The following CHD9 variants were observed in gnomAD, a reference collection of about 807,000 sequenced individuals.
CHD9 encodes the protein ATP-dependent chromatin remodeler CHD9.
Under a neutral mutation model 316.1 loss-of-function variants are expected in CHD9, and 77 were observed. That is an observed-to-expected ratio of 0.24 (90% CI 0.20 to 0.29). The LOEUF is 0.29. Ranked by LOEUF, CHD9 falls within the 10% of genes least tolerant of loss-of-function variation. The pLI is 1.00. For missense variants in CHD9, 2,763 were observed against 3,438.1 expected (o/e 0.80, Z 4.91); for synonymous variants, 1,129 against 1,158.3 (o/e 0.97, Z 0.51).
intron 12 of CHD9, among the ~76,000 whole-genome samples, chr16:53,241,036 G>C (rs1255014860): frequency 6.6e-6 from 1 of 152,126 alleles, no homozygotes; most frequent in African/African-American, 2.4e-5. Context: ...ATAAATGCCA[G>C]AGATTTATAA....
chr16:53,078,529 T>G (rs2034746640), intron 1 of CHD9, among the ~76,000 whole-genome samples: 1 of 152,212 alleles, frequency 6.6e-6, no homozygotes, highest in Non-Finnish European at 1.5e-5. Flanking sequence ...TCATTGTAAA[T>G]TACTAGTCTG....
At position 53,214,586 on chromosome 16, in the gene CHD9, C is replaced by T. The variant is rs184579976; in HGVS notation, c.1784+4773C>T. ...AATGTTTTGCTGATTTTACTGCTTG[C>T]ATGTAAATTACAAAACTTAGTAAAA... On this transcript the variant is annotated intron_variant, in intron 3 of 38. Coordinates refer to ENST00000447540, the MANE Select transcript of CHD9 (RefSeq NM_001308319.2). Among the ~76,000 whole-genome samples, 8 of 152,086 alleles carry T rather than the reference C, an allele frequency of 5.3e-5. No homozygotes were observed. The East Asian group carries it at 1.5e-3, about 29-fold the overall frequency.
At chr16:53,204,023 CAA>C (rs530552464) in intron 2 of CHD9, among the ~76,000 whole-genome samples, 5,991 of 46,100 alleles carry the variant, frequency 0.13, 235 homozygotes, top group Non-Finnish European at 0.17. Flanking sequence ...GACTCCATCT[CAA>C]AAAAAAAAAA....
rs938008081 is a variant in CHD9 at position 53,245,424 on chromosome 16, T to G, written c.3143T>G (p.Phe1048Cys). The G allele has an allele frequency of 1.2e-5, 20 of 1,606,874 alleles. No individual in the cohort carries two copies. The highest frequency in any genetic ancestry group is 1.7e-5 in the Non-Finnish European group (20 of 1,177,620). The change falls in exon 14 of 39, where the codon TTT becomes TGT. Residue 1048 changes from phenylalanine to cysteine, a missense_variant. Phe to Cys is a radical substitution (Grantham distance 205). This residue lies in a region of CHD9 where 155 missense variants were observed against 291.8 expected (regional missense o/e 0.53). Transcript: ENST00000447540. The surrounding 1 kb of genome is among the most constrained non-coding windows in gnomAD (Gnocchi z 4.1). ...SLLHFLEPLR[F>C]PSESTFMQEF... ...CTTCACTTTCTTGAACCCTTAAGGT[T>G]TCCTTCTGAATCAACATTTATGCAA...
intron 15 of CHD9, 46 bp from the exon 16 acceptor site, chr16:53,247,247 T>C: frequency 7.4e-7 from 1 of 1,350,574 alleles, no homozygotes; most frequent in South Asian, 1.3e-5. Flanking sequence ...ATTGGGAATT[T>C]CCTGCATTTG....
Position 53,227,413 on chromosome 16 carries a change from A to C in CHD9, c.2061A>C (p.Glu687Asp), listed in dbSNP as rs982394352. 4 of 1,570,728 alleles carry C rather than the reference A, an allele frequency of 2.5e-6. No homozygotes were observed. In the African/African-American group the frequency reaches 5.4e-5, roughly 21 times the overall value. ...LQLFVENPSE[E>D]DAAIVDKILS... ...TCCCATAGGAGAATCCGAGTGAAGA[A>C]GATGCTGCAATTGTAGACAAAATTC... Residue 687 changes from glutamate to aspartate, a missense_variant, in exon 6 of 39, where the codon GAA (glutamate) becomes GAC (aspartate). Physicochemically the swap from Glu to Asp is conservative, Grantham distance 45 (BLOSUM62 2). Transcript: ENST00000447540.
chr16:53,204,048 A>ATATATAT (rs1460965091), intron 2 of CHD9, among the ~76,000 whole-genome samples: 1 of 77,438 alleles, frequency 1.3e-5, no homozygotes, highest in African/African-American at 5.0e-5. Flanking sequence ...AAAAAAAAAA[A>ATATATAT]ATATATATAT....
chr16:53,165,192 G>A (rs1343177905), intron 2 of CHD9, among the ~76,000 whole-genome samples: 2 of 152,192 alleles, frequency 1.3e-5, no homozygotes, highest in Admixed American at 1.3e-4. Context: ...AAGAATTTCT[G>A]TAGCAGGTGG....
chr16:53,121,617 A>G, intron 1 of CHD9: 2 of 342,510 alleles, frequency 5.8e-6, no homozygotes, highest in East Asian at 7.5e-5. Flanking sequence ...CTGGCTGAAC[A>G]TATCCCTTGG....
rs773000417 is a variant in CHD9 at position 53,314,884 on chromosome 16, C to T, written c.7424C>T (p.Thr2475Ile). 7 of 1,613,816 alleles carry T rather than the reference C, an allele frequency of 4.3e-6. No homozygotes were observed. The South Asian group carries it at 7.7e-5, about 18-fold the overall frequency. ...STGINPALSY[T>I]QPQGIPDTES... ...GGGATAAATCCAGCACTATCCTATA[C>T]TCAACCTCAAGGAATTCCTGATACA... Residue 2475 changes from threonine to isoleucine, a missense_variant, in exon 36 of 39, where the codon ACT becomes ATT. Physicochemically the swap from Thr to Ile is moderately conservative, Grantham distance 89. This residue lies in a region of CHD9 where 663 missense variants were observed against 751.2 expected (regional missense o/e 0.88). Coordinates refer to ENST00000447540, the MANE Select transcript of CHD9 (RefSeq NM_001308319.2).
At chr16:53,094,819 A>G (rs1316375832) in intron 1 of CHD9, among the ~76,000 whole-genome samples, 1 of 151,874 alleles carries the variant, frequency 6.6e-6, no homozygotes, top group Non-Finnish European at 1.5e-5. Flanking sequence ...TTGTATTTTT[A>G]GTAGATACAG....
intron 4 of CHD9, among the ~76,000 whole-genome samples, chr16:53,225,660 TC>T (rs2047594173): frequency 6.6e-6 from 1 of 152,104 alleles, no homozygotes; most frequent in South Asian, 2.1e-4. Flanking sequence ...GATAGTGATG[TC>T]TTTTATATTT....
In CHD9 at chr16:53,157,218, C is replaced by G. The variant is rs1344583277; in HGVS notation, c.1129C>G (p.His377Asp). The G allele has an allele frequency of 6.2e-7, 1 of 1,602,560 alleles. No individual in the cohort carries two copies. The highest frequency in any genetic ancestry group is 1.1e-5 in the South Asian group (1 of 89,622). ...SGTQMGHFND[H>D]VETNGFSSLE... ...AACTCAAATGGGCCATTTCAATGAT[C>G]ATGTAGAAACTAATGGCTTTTCATC... Residue 377 changes from histidine (H) to aspartate (D), a missense_variant, in exon 2 of 39, where the codon CAT (histidine) becomes GAT (aspartate). Transcript: ENST00000447540.
In CHD9 at chr16:53,324,490, G is replaced by C; in HGVS notation, c.8289G>C (p.Glu2763Asp). ...AAAGGACAGAGAGCCAAAGTTCAGAGAATGGTGGAGAAAACTCTGTGTCAA... is the reference window on the plus strand; with the variant it reads ...AAAGGACAGAGAGCCAAAGTTCAGACAATGGTGGAGAAAACTCTGTGTCAA... Reference protein sequence around the residue: ...KTERTESQSSENGGENSVSSS... With the variant: ...KTERTESQSSDNGGENSVSSS... Residue 2763 changes from glutamate to aspartate, a missense_variant, in exon 39 of 39, where the codon GAG becomes GAC. Coordinates refer to ENST00000447540, the MANE Select transcript of CHD9 (RefSeq NM_001308319.2). The C allele has an allele frequency of 6.2e-7, 1 of 1,613,948 alleles. No individual in the cohort carries two copies. Among genetic ancestry groups the C allele is most frequent in the South Asian group, 1.1e-5 (1 of 91,076 alleles).
At chr16:53,223,670 A>T (rs2047419717) in intron 4 of CHD9, among the ~76,000 whole-genome samples, 1 of 152,198 alleles carries the variant, frequency 6.6e-6, no homozygotes, top group Non-Finnish European at 1.5e-5. Context: ...GTAATTTTCA[A>T]ACAATGACAT....
At chr16:53,161,686 A>G (rs1163429550) in intron 2 of CHD9, among the ~76,000 whole-genome samples, 1 of 152,210 alleles carries the variant, frequency 6.6e-6, no homozygotes, top group African/African-American at 2.4e-5. Context: ...ATGACAATCT[A>G]TTTAGAATTC....
chr16:53,097,400 CTTCCTTCT>C (rs2036479217), intron 1 of CHD9, among the ~76,000 whole-genome samples: 1 of 108,162 alleles, frequency 9.2e-6, no homozygotes, highest in Non-Finnish European at 1.8e-5. Flanking sequence ...TCCTTCCTTC[CTTCCTTCT>C]TTCTCTTTCT....
rs1555485095 is a variant in CHD9 at position 53,109,691 on chromosome 16, T to TTTTTTC, written c.-164-46230_-164-46229insCTTTTT. Among the ~76,000 whole-genome samples the TTTTTTC allele has an allele frequency of 1.9e-4, 24 of 125,526 alleles. 1 individual carries two copies. The highest frequency in any genetic ancestry group is 9.9e-4 in the East Asian group (4 of 4,060). The allele number at this position is 125,526 out of a possible 152,430, so 82.3% of individuals were successfully genotyped here. A position where few individuals can be genotyped will look rare whatever the true frequency, so the allele number is the denominator to read the frequency against. ...ATTCCCAGTTTCTTTTTTTTTTTTT[T>TTTTTTC]TTTTTTTTTTTGAGATGGAGTCTCG... On this transcript the variant is annotated intron_variant, in intron 1 of 38. Coordinates refer to ENST00000447540, the MANE Select transcript of CHD9 (RefSeq NM_001308319.2).
At chr16:53,216,878 T>C (rs2046806478) in intron 3 of CHD9, among the ~76,000 whole-genome samples, 1 of 152,220 alleles carries the variant, frequency 6.6e-6, no homozygotes, top group African/African-American at 2.4e-5. Context: ...TTCTTACTTT[T>C]ATTTTGAAGT....
Sources: gnomAD v4.1 joint callset for allele counts (sites outside exome capture counted in the v4.1 genomes callset) on GRCh38, gnomAD v4.1.1 for gene constraint, gnomAD v4.1.1 regional missense constraint, Gnocchi (gnomAD v3.1) non-coding constraint, MANE v1.5 for transcripts, NCBI Gene and HGNC (gene_info 2026-07-23, HGNC 2026-07-21) for gene names.